MYLK3: variants seen among roughly 807,000 people sequenced by gnomAD.
The protein encoded by MYLK3 is myosin light chain kinase 3.
A neutral mutation model predicts 76.3 loss-of-function variants in MYLK3; 55 were observed. The ratio of observed to expected loss-of-function variants is 0.72; its 90% CI spans 0.58 to 0.90. The LOEUF is 0.90. MYLK3 is among the 40% of genes least tolerant of loss of function. The pLI is 0.00. For synonymous variants in MYLK3, 416 were observed against 425.4 expected, an observed-to-expected ratio of 0.98 and a Z score of 0.27; for missense variants, 973 against 1,053.6, an observed-to-expected ratio of 0.92 and a Z score of 1.06.
chr16:46,762,872 T>C (rs963429094), intron 1 of MYLK3, among the ~76,000 whole-genome samples: 3 of 152,198 alleles, frequency 2.0e-5, no homozygotes, highest in Non-Finnish European at 4.4e-5. Context: ...CCCAGACCTG[T>C]ACAAAACCAA....
At chr16:46,743,088 G>A (rs530199962) in intron 1 of MYLK3, among the ~76,000 whole-genome samples, 13 of 152,274 alleles carry the variant, frequency 8.5e-5, no homozygotes, top group South Asian at 8.3e-4. Context: ...AGTCCCTGCC[G>A]TTTCTGTGCT....
intron 9 of MYLK3, among the ~76,000 whole-genome samples, chr16:46,720,781 C>A (rs1966791126): frequency 6.6e-6 from 1 of 152,190 alleles, no homozygotes; most frequent in South Asian, 2.1e-4. Context: ...TAGCCCAGCA[C>A]CTCCTGGCCC....
At chr16:46,748,838 G>A (rs2143017337), upstream of MYLK3, among the ~76,000 whole-genome samples, 1 of 152,334 alleles carries the variant, frequency 6.6e-6, no homozygotes, top group East Asian at 1.9e-4. The surrounding 1 kb of genome is among the most constrained non-coding windows in gnomAD (Gnocchi z 4.3). Flanking sequence ...TAGACTGTCT[G>A]TGGGGTGGCC....
intron 1 of MYLK3, among the ~76,000 whole-genome samples, chr16:46,758,479 G>T (rs912340563): frequency 2.0e-5 from 3 of 152,142 alleles, no homozygotes; most frequent in African/African-American, 7.2e-5. Context: ...GCAGCCCTGT[G>T]GGGTGGGTCA....
chr16:46,732,362 A>G lies in MYLK3; in HGVS notation c.1308T>C (p.Asn436=), dbSNP rs1485750964. Reference sequence around the variant, plus strand: ...GGCCCAGGGCCCCAACCTCGTGGTCATTGTCGTCACTCCTGGCCAAGCTTG... The same window carrying G: ...GGCCCAGGGCCCCAACCTCGTGGTCGTTGTCGTCACTCCTGGCCAAGCTTG... ...TRPSLARSDD[N]DHEVGALGLQ... Residue 436 remains asparagine (N), a synonymous_variant, in exon 4 of 13, where the codon AAT becomes AAC. Transcript: ENST00000394809. 1.2e-6 allele frequency: 2 copies of G among 1,613,498 alleles called. No homozygotes were observed. The highest frequency in any genetic ancestry group is 2.2e-5 in the South Asian group (2 of 91,080).
At chr16:46,711,019 C>T in intron 10 of MYLK3, 1 of 545,428 alleles carries the variant, frequency 1.8e-6, no homozygotes, top group Admixed American at 3.1e-5. Context: ...AATAAGTCCC[C>T]TCTTGTGCTC....
chr16:46,748,848 C>T (rs549969694), upstream of MYLK3, among the ~76,000 whole-genome samples: 23 of 152,272 alleles, frequency 1.5e-4, no homozygotes, highest in African/African-American at 4.1e-4. The surrounding 1 kb of genome is among the most constrained non-coding windows in gnomAD (Gnocchi z 4.3). Context: ...GTGGGGTGGC[C>T]GGCAGGTCCC....
In MYLK3 at chr16:46,737,947, G is replaced by T. The variant is rs779047022; in HGVS notation, c.765C>A (p.Ser255Arg). The change falls in exon 3 of 13, where the codon AGC becomes AGA. Residue 255 changes from serine (S) to arginine (R), a missense_variant. Ser to Arg is a moderately radical substitution (Grantham distance 110). This residue lies in a region of MYLK3 where 641 missense variants were observed against 637.0 expected (regional missense o/e 1.01). Coordinates refer to ENST00000394809, the MANE Select transcript of MYLK3 (RefSeq NM_182493.3). ...ATTCCAGGCCAGTCCTGAGGTTCTC[G>T]CTGGGTGTCTCAGGAGCCTTGGCTT... is the stretch of plus-strand genomic sequence containing the variant. ...KVEAKAPETPSENLRTGLELA... is the reference protein window; with the variant it reads ...KVEAKAPETPRENLRTGLELA... 17 of 1,614,168 alleles carry T rather than the reference G, an allele frequency of 1.1e-5. No homozygotes were observed. In the South Asian group the frequency reaches 1.9e-4, roughly 18 times the overall value.
At chr16:46,740,026 T>C (rs756567396) in intron 2 of MYLK3, 31 bp downstream of exon 2, 3 of 1,527,094 alleles carry the variant, frequency 2.0e-6, no homozygotes, top group Non-Finnish European at 2.7e-6. Context: ...GTGTCTGCAA[T>C]GTTAGATAAA....
chr16:46,727,504 G>T (rs1041651610), intron 7 of MYLK3, 127 bp from the exon 8 acceptor site: 1 of 1,034,908 alleles, frequency 9.7e-7, no homozygotes, highest in Non-Finnish European at 1.3e-6. Flanking sequence ...GGGTCACAGG[G>T]CTGCTGCCAC....
intron 10 of MYLK3, chr16:46,711,915 C>T (rs1033842602): frequency 2.5e-5 from 4 of 160,346 alleles, no homozygotes; most frequent in Middle Eastern, 1.7e-3. Flanking sequence ...GCCTTACTCT[C>T]GATGAATACC....
At position 46,723,727 on chromosome 16, in the gene MYLK3, G is replaced by A. The variant is rs548691967; in HGVS notation, c.1915-2534C>T. Among the ~76,000 whole-genome samples the A allele has an allele frequency of 1.6e-4, 22 of 139,794 alleles. No homozygotes were observed. The South Asian group carries it at 1.8e-3, about 12-fold the overall frequency. The allele number at this position is 139,794 out of a possible 152,430, so 91.7% of individuals were successfully genotyped here. A position where few individuals can be genotyped will look rare whatever the true frequency, so the allele number is the denominator to read the frequency against. ...GTGCAGTGCCCTGATTCCGCTCACC[G>A]CAACCTCCACCTCCCAGGTTCAAGT... On this transcript the variant is annotated intron_variant, in intron 8 of 12. Coordinates refer to ENST00000394809, the MANE Select transcript of MYLK3 (RefSeq NM_182493.3).
At chr16:46,732,751 T>TG in intron 3 of MYLK3, 83 bp from the exon 4 acceptor site, 1 of 1,127,922 alleles carries the variant, frequency 8.9e-7, no homozygotes, top group Non-Finnish European at 1.2e-6. Flanking sequence ...TGCCCACTGC[T>TG]GCCATCATTG....
chr16:46,738,017 G>T lies in MYLK3; in HGVS notation c.695C>A (p.Pro232Gln). 1 of 1,613,174 alleles carries T rather than the reference G, an allele frequency of 6.2e-7. No individual in the cohort carries two copies. Residue 232 changes from proline to glutamine, a missense_variant, in exon 3 of 13, where the codon CCA becomes CAA. By Grantham distance (76) the Pro-to-Gln change is moderately conservative. Around this residue, in one of 2 missense-constraint regions of MYLK3, gnomAD observed 641 missense variants for 637.0 expected, o/e 1.01. Transcript: ENST00000394809. Reference protein sequence around the residue: ...SPGQGDGVPGPAQAFPGHLPL... With the variant: ...SPGQGDGVPGQAQAFPGHLPL... ...CAGGTGGCCAGGGAATGCCTGGGCT[G>T]GGCCAGGAACACCATCTCCCTGGCC...
chr16:46,735,117 G>A (rs1440600187), intron 3 of MYLK3, among the ~76,000 whole-genome samples: 1 of 151,896 alleles, frequency 6.6e-6, no homozygotes, highest in Non-Finnish European at 1.5e-5. Flanking sequence ...CTCCAGCCTC[G>A]GTGACAGAGT....
At chr16:46,751,412 A>C (rs1331859609), upstream of MYLK3, among the ~76,000 whole-genome samples, 1 of 151,926 alleles carries the variant, frequency 6.6e-6, no homozygotes. Flanking sequence ...GTCTCAAAAA[A>C]GAAAAAAAAA....
intron 11 of MYLK3, 43 bp from the exon 12 acceptor site, chr16:46,709,714 C>T (rs1011487244): frequency 6.3e-7 from 1 of 1,596,700 alleles, no homozygotes; most frequent in Non-Finnish European, 8.5e-7. Flanking sequence ...TTGGAGTTGC[C>T]TTTTCTCATC....
chr16:46,729,554 G>A (rs752422884), intron 6 of MYLK3, 40 bp downstream of exon 6: 25 of 1,578,850 alleles, frequency 1.6e-5, no homozygotes, highest in African/African-American at 2.7e-5. Context: ...AAGGAATCCT[G>A]AGGCTGGCCA....
intron 9 of MYLK3, among the ~76,000 whole-genome samples, chr16:46,713,620 C>A (rs1966707454): frequency 6.6e-6 from 1 of 152,182 alleles, no homozygotes; most frequent in Admixed American, 6.5e-5. Context: ...ATTCTCTTGG[C>A]AATTCTGAAG....
Sources: gnomAD v4.1 joint callset for allele counts (sites outside exome capture counted in the v4.1 genomes callset) on GRCh38, gnomAD v4.1.1 for gene constraint, gnomAD v4.1.1 regional missense constraint, Gnocchi (gnomAD v3.1) non-coding constraint, MANE v1.5 for transcripts, NCBI Gene and HGNC (gene_info 2026-07-23, HGNC 2026-07-21) for gene names.